PDXDC1: variants seen among roughly 807,000 people sequenced by gnomAD.
PDXDC1 encodes pyridoxal-dependent decarboxylase domain-containing protein 1.
In PDXDC1, 42 loss-of-function variants were observed where a neutral mutation model predicts 100.1. The ratio of observed to expected loss-of-function variants is 0.42; its 90% CI spans 0.33 to 0.54. The LOEUF is 0.54. Among genes scored for constraint, PDXDC1 ranks in the 20% least tolerant of loss-of-function variants. The pLI, the probability that PDXDC1 is intolerant of heterozygous loss-of-function variation, is 0.10. For missense variants in PDXDC1, 636 were observed against 979.2 expected, an observed-to-expected ratio of 0.65 and a Z score of 4.68; for synonymous variants, 260 against 371.7, an observed-to-expected ratio of 0.70 and a Z score of 3.46.
chr16:15,012,342 T>G (rs2041379242), intron 8 of PDXDC1, among the ~76,000 whole-genome samples: 1 of 152,260 alleles, frequency 6.6e-6, no homozygotes, highest in African/African-American at 2.4e-5. Flanking sequence ...TGACCTTAGG[T>G]GATCTGCCTG....
chr16:15,028,677 T>C (rs1441520261), intron 14 of PDXDC1, among the ~76,000 whole-genome samples: 2 of 152,304 alleles, frequency 1.3e-5, no homozygotes, highest in Non-Finnish European at 1.5e-5. Flanking sequence ...AATTCTGTCT[T>C]ATGTGAATGT....
At chr16:15,151,424 CAAAAAAAAAAAAAA>C in the PDXDC1 span, among the ~76,000 whole-genome samples, 62 of 14,432 alleles carry the variant, frequency 4.3e-3, no homozygotes, top group African/African-American at 0.012. Context: ...GACTCCGTCT[CAAAAAAAAAAAAAA>C]AAAAAAAAAA....
At chr16:15,024,360 G>C (rs2042422996) in intron 13 of PDXDC1, among the ~76,000 whole-genome samples, 1 of 151,826 alleles carries the variant, frequency 6.6e-6, no homozygotes, top group South Asian at 2.1e-4. Flanking sequence ...TGTATGTGCT[G>C]TTCTCTCTGC....
intron 16 of PDXDC1, among the ~76,000 whole-genome samples, chr16:15,072,453 G>C (rs1336074433): frequency 6.6e-6 from 1 of 152,068 alleles, no homozygotes; most frequent in Non-Finnish European, 1.5e-5. Context: ...TGACATTTTC[G>C]GAGCACCTAG....
intron 16 of PDXDC1, among the ~76,000 whole-genome samples, chr16:15,030,360 C>G (rs1461166914): frequency 6.6e-6 from 1 of 152,150 alleles, no homozygotes; most frequent in East Asian, 2.0e-4. Context: ...GCCTGGCCAA[C>G]ATAGTGAAAT....
chr16:15,136,295 C>T (rs1308961425), intron 16 of PDXDC1, among the ~76,000 whole-genome samples: 2 of 152,172 alleles, frequency 1.3e-5, no homozygotes, highest in Non-Finnish European at 2.9e-5. Context: ...ACAGCAGCAC[C>T]CACCCACGGG....
At chr16:15,057,453 A>T (rs913924044) in intron 16 of PDXDC1, among the ~76,000 whole-genome samples, 2 of 151,850 alleles carry the variant, frequency 1.3e-5, no homozygotes, top group Non-Finnish European at 2.9e-5. Context: ...TGGTAGAAAT[A>T]AGTAGTAGAA....
chr16:15,069,170 C>T (rs2045112673), intron 16 of PDXDC1, among the ~76,000 whole-genome samples: 2 of 152,114 alleles, frequency 1.3e-5, no homozygotes, highest in Admixed American at 1.3e-4. Flanking sequence ...AGACTGCGAC[C>T]CCCGCAGAGG....
chr16:15,079,994 T>C (rs1478908912), intron 16 of PDXDC1: 10 of 1,587,796 alleles, frequency 6.3e-6, no homozygotes, highest in South Asian at 1.2e-5. Flanking sequence ...TACTCAATAC[T>C]TACATCCAAC....
chr16:15,101,071 T>C (rs547788314), intron 16 of PDXDC1, among the ~76,000 whole-genome samples: 1 of 152,204 alleles, frequency 6.6e-6, no homozygotes, highest in African/African-American at 2.4e-5. Context: ...AGAACTTCAA[T>C]TTTCTTATGT....
chr16:15,083,936 G>T (rs996595630), intron 16 of PDXDC1, among the ~76,000 whole-genome samples: 1 of 152,128 alleles, frequency 6.6e-6, no homozygotes, highest in Non-Finnish European at 1.5e-5. Context: ...GGCTGGTCTC[G>T]AACTCCCGAC....
chr16:15,122,733 G>A (rs1159126630), intron 16 of PDXDC1, among the ~76,000 whole-genome samples: 2 of 149,182 alleles, frequency 1.3e-5, no homozygotes, highest in East Asian at 2.0e-4. Flanking sequence ...TCCTTTCAGG[G>A]CGCCCGGAGG....
rs571935346 is a variant in PDXDC1 at position 15,104,897 on chromosome 16, A to G, written c.1400-33982A>G. 245 of 1,532,428 alleles carry G rather than the reference A, an allele frequency of 1.6e-4. 2 individuals are homozygous for G. The highest frequency in any genetic ancestry group is 1.4e-3 in the East Asian group (58 of 42,024). 94.9% of individuals were successfully genotyped at this position (1,532,428 alleles called of 1,614,324 possible). A position where few individuals can be genotyped will look rare whatever the true frequency, so the allele number is the denominator to read the frequency against. On this transcript the variant is annotated intron_variant, in intron 16 of 16. Coordinates refer to the PDXDC1 transcript ENST00000535621. ...ATCCTCCAGGTTTCAAAATAGCAGT[A>G]TCAGTGTCATATCACCCTTCCACTG...
intron 16 of PDXDC1, chr16:15,055,821 G>T (rs937823789): frequency 5.0e-5 from 42 of 837,692 alleles, no homozygotes; most frequent in Non-Finnish European, 6.2e-5. Flanking sequence ...TGTCGCGTGA[G>T]GGGGGCGCTA....
intron 16 of PDXDC1, among the ~76,000 whole-genome samples, chr16:15,058,548 G>T (rs2044605325): frequency 6.6e-6 from 1 of 152,090 alleles, no homozygotes; most frequent in Admixed American, 6.5e-5. Context: ...CCAACATAGT[G>T]AAACTCCATC....
intron 16 of PDXDC1, among the ~76,000 whole-genome samples, chr16:15,030,841 A>G (rs1442421167): frequency 6.6e-6 from 1 of 152,014 alleles, no homozygotes; most frequent in African/African-American, 2.4e-5. Flanking sequence ...ATTTTCCACT[A>G]CAAGGGTTCT....
At chr16:15,122,738 C>T (rs1344037890) in intron 16 of PDXDC1, among the ~76,000 whole-genome samples, 7 of 139,338 alleles carry the variant, frequency 5.0e-5, no homozygotes, top group Non-Finnish European at 9.3e-5. Context: ...TCAGGGCGCC[C>T]GGAGGTGGCC....
intron 8 of PDXDC1, among the ~76,000 whole-genome samples, chr16:15,014,351 T>C (rs1245140094): frequency 6.6e-6 from 1 of 152,288 alleles, no homozygotes; most frequent in African/African-American, 2.4e-5. Flanking sequence ...GGGCTGCAGT[T>C]TGCATGTGAC....
chr16:15,072,190 G>C lies in PDXDC1; in HGVS notation c.1399+42134G>C, dbSNP rs1261867456. Reference sequence around the variant, plus strand: ...ATGACCAACACTCTCCTGATCTCTAGGAAGCCACAAAATCGTTGCAGAGAA... The same window carrying C: ...ATGACCAACACTCTCCTGATCTCTACGAAGCCACAAAATCGTTGCAGAGAA... On this transcript the variant is annotated intron_variant, in intron 16 of 16. Coordinates refer to the PDXDC1 transcript ENST00000535621. Among the ~76,000 whole-genome samples the C allele has an allele frequency of 2.7e-5, 4 of 150,182 alleles. No homozygotes were observed. In the Middle Eastern group the frequency reaches 0.01, roughly 383 times the overall value.
Sources: gnomAD v4.1 joint callset for allele counts (sites outside exome capture counted in the v4.1 genomes callset) on GRCh38, gnomAD v4.1.1 for gene constraint, MANE v1.5 for transcripts, NCBI Gene and HGNC (gene_info 2026-07-23, HGNC 2026-07-21) for gene names.